Variants in CDH13 observed in about 807,000 individuals in gnomAD.
The protein encoded by CDH13 is cadherin-13.
A neutral mutation model predicts 63.8 loss-of-function variants in CDH13; 24 were observed. That is an observed-to-expected ratio of 0.38 (90% confidence interval 0.27 to 0.53). The LOEUF (loss-of-function observed/expected upper bound fraction) is 0.53. CDH13 is among the 20% of genes least tolerant of loss of function. The probability of loss-of-function intolerance (pLI) is 0.85; values close to 1 mark genes in which losing one functional copy is unlikely to be tolerated. For synonymous variants in CDH13, 503 were observed against 355.3 expected (o/e 1.42, Z -4.67); for missense variants, 1,049 against 903.1 (o/e 1.16, Z -2.07).
At chr16:82,629,120 A>T (rs1436294255) in intron 1 of CDH13, among the ~76,000 whole-genome samples, 1 of 152,234 alleles carries the variant, frequency 6.6e-6, no homozygotes, top group Non-Finnish European at 1.5e-5. Flanking sequence ...AAAGCAAGAC[A>T]GACCACGTGA....
intron 2 of CDH13, among the ~76,000 whole-genome samples, chr16:82,929,352 A>T (rs1441593694): frequency 6.6e-6 from 1 of 151,990 alleles, no homozygotes; most frequent in Non-Finnish European, 1.5e-5. Flanking sequence ...TTTCTACTAC[A>T]TGAGGACACA....
At chr16:83,238,489 C>T (rs1418511362) in intron 5 of CDH13, among the ~76,000 whole-genome samples, 1 of 152,170 alleles carries the variant, frequency 6.6e-6, no homozygotes, top group Non-Finnish European at 1.5e-5. Context: ...AGCTACAATT[C>T]AAGATGAGAT....
intron 3 of CDH13, among the ~76,000 whole-genome samples, chr16:83,113,526 A>G (rs1392603266): frequency 6.6e-6 from 1 of 152,252 alleles, no homozygotes; most frequent in Non-Finnish European, 1.5e-5. Context: ...GAAAATGTAG[A>G]GTCTGCCCTT....
chr16:82,896,276 ATTTTT>A lies in CDH13; in HGVS notation c.157+37832_157+37836del, dbSNP rs59677448. The stretch of plus-strand genomic sequence containing the variant: ...GAGTCTTCTGAGAACTAGGATTAGG[ATTTTT>A]TTTTTTTTTTTTTTTTTTTTTTTTT... On this transcript the variant is annotated intron_variant, in intron 2 of 13. Transcript: ENST00000567109. Among the ~76,000 whole-genome samples the A allele has an allele frequency of 5.3e-3, 463 of 87,684 alleles. 3 individuals are homozygous for A. Among genetic ancestry groups the A allele is most frequent in the African/African-American group, 0.018 (410 of 23,390 alleles). 57.5% of individuals were successfully genotyped at this position (87,684 alleles called of 152,430 possible). A position where few individuals can be genotyped will look rare whatever the true frequency, so the allele number is the denominator to read the frequency against.
chr16:83,289,253 C>G (rs555464782), intron 5 of CDH13, among the ~76,000 whole-genome samples: 7 of 152,206 alleles, frequency 4.6e-5, no homozygotes, highest in Non-Finnish European at 1.0e-4. Flanking sequence ...CTTTTGGCCT[C>G]TACAGCTTGA....
At chr16:83,646,712 A>ACAC (rs1555507949) in intron 8 of CDH13, among the ~76,000 whole-genome samples, 25 of 80,506 alleles carry the variant, frequency 3.1e-4, no homozygotes, top group South Asian at 9.0e-4. Flanking sequence ...AAAAAAAAAA[A>ACAC]ACACACACAC....
In CDH13 at chr16:83,303,913, C is replaced by T. The variant is rs191930069; in HGVS notation, c.637-40949C>T. 1.3e-3 allele frequency among the ~76,000 whole-genome samples: 196 copies of T among 152,218 alleles called. 1 individual carries two copies. Among genetic ancestry groups the T allele is most frequent in the Middle Eastern group, 3.4e-3 (1 of 294 alleles). On this transcript the variant is annotated intron_variant, in intron 5 of 13. Coordinates refer to ENST00000567109, the MANE Select transcript of CDH13 (RefSeq NM_001257.5). The stretch of plus-strand genomic sequence containing the variant: ...GTGACAGGTGCATTGAGGGGTTGAC[C>T]TCCACAATGACCAGGGAAGGTTTTC...
Position 82,671,792 on chromosome 16 carries a change from C to G in CDH13, c.45+44655C>G, listed in dbSNP as rs117193489. On this transcript the variant is annotated intron_variant, in intron 1 of 13. Coordinates refer to ENST00000567109, the MANE Select transcript of CDH13 (RefSeq NM_001257.5). ...TACTTTCTGGGTGTTCTTTGGGCTT[C>G]TTTTCTATTCATGACCCTTTGGATT... is the stretch of plus-strand genomic sequence containing the variant. 2.2e-3 allele frequency among the ~76,000 whole-genome samples: 331 copies of G among 151,974 alleles called. 2 individuals are homozygous for G. The highest frequency in any genetic ancestry group is 6.8e-3 in the Middle Eastern group (2 of 294).
chr16:83,447,075 CA>C (rs1218838281), intron 6 of CDH13, among the ~76,000 whole-genome samples: 4 of 42,088 alleles, frequency 9.5e-5, no homozygotes, highest in Non-Finnish European at 1.5e-4. Context: ...AAAAAAAAAA[CA>C]AAAAACACCT....
intron 6 of CDH13, among the ~76,000 whole-genome samples, chr16:83,367,255 C>G (rs1195346948): frequency 2.6e-5 from 4 of 152,194 alleles, no homozygotes; most frequent in African/African-American, 9.6e-5. Flanking sequence ...TTCTTTCACT[C>G]AGCATCATGT....
At chr16:83,698,639 A>C (rs761148831) in intron 10 of CDH13, among the ~76,000 whole-genome samples, 8 of 152,226 alleles carry the variant, frequency 5.3e-5, no homozygotes, top group Non-Finnish European at 1.0e-4. Flanking sequence ...CTTAGCCCTA[A>C]CTGATCTTAT....
chr16:83,302,994 A>G (rs1420758937), intron 5 of CDH13, among the ~76,000 whole-genome samples: 1 of 152,216 alleles, frequency 6.6e-6, no homozygotes, highest in Non-Finnish European at 1.5e-5. Context: ...CTGATCTATC[A>G]TGGCTGCTGT....
intron 4 of CDH13, among the ~76,000 whole-genome samples, chr16:83,137,600 C>CAAAG (rs1567866526): frequency 2.0e-5 from 3 of 152,102 alleles, no homozygotes; most frequent in African/African-American, 7.2e-5. Context: ...CAACCCTGTT[C>CAAAG]AAAGAGAGCC....
chr16:83,169,616 C>T (rs1049826836), intron 4 of CDH13, among the ~76,000 whole-genome samples: 8 of 151,428 alleles, frequency 5.3e-5, no homozygotes, highest in Non-Finnish European at 1.2e-4. Flanking sequence ...AGCCCTCTTT[C>T]CTTTTCCTAT....
At chr16:82,923,065 T>G (rs1290779522) in intron 2 of CDH13, among the ~76,000 whole-genome samples, 1 of 152,080 alleles carries the variant, frequency 6.6e-6, no homozygotes, top group Non-Finnish European at 1.5e-5. Flanking sequence ...GCAAAAAAAA[T>G]GTTGACATAG....
intron 7 of CDH13, among the ~76,000 whole-genome samples, chr16:83,497,515 G>A (rs1276646462): frequency 2.6e-5 from 3 of 113,856 alleles, no homozygotes; most frequent in South Asian, 7.6e-4. Context: ...CTGTTGTGGG[G>A]TGGGGGGAGG....
intron 10 of CDH13, among the ~76,000 whole-genome samples, chr16:83,734,222 G>T (rs970926935): frequency 5.9e-5 from 9 of 152,182 alleles, no homozygotes; most frequent in Non-Finnish European, 1.0e-4. Flanking sequence ...TATGTATTTG[G>T]TTAAGATGTA....
chr16:83,785,446 C>A (rs1245918736), intron 13 of CDH13, among the ~76,000 whole-genome samples: 2 of 152,196 alleles, frequency 1.3e-5, no homozygotes, highest in Non-Finnish European at 2.9e-5. Flanking sequence ...CCTCGTAGTA[C>A]CATCACCTTG....
rs1914987623 is a variant in CDH13, at chr16:83,018,156, C to G, written c.158-13854C>G. Among the ~76,000 whole-genome samples the G allele has an allele frequency of 2.6e-5, 4 of 152,140 alleles. No homozygotes were observed. The South Asian group carries it at 8.3e-4, about 31-fold the overall frequency. Reference sequence around the variant, plus strand: ...AAGTAAACCTTTGCACTATGGGTGGCTCAGTCTCTCCCAGCTTATCTCATT... The same window carrying G: ...AAGTAAACCTTTGCACTATGGGTGGGTCAGTCTCTCCCAGCTTATCTCATT... On this transcript the variant is annotated intron_variant, in intron 2 of 13. Transcript: ENST00000567109.
Sources: allele counts gnomAD v4.1 joint callset (sites outside exome capture counted in the v4.1 genomes callset), GRCh38; gene constraint gnomAD v4.1.1; transcripts MANE v1.5; gene names NCBI Gene and HGNC (gene_info 2026-07-23, HGNC 2026-07-21).